DAPK3: variants seen among roughly 807,000 people sequenced by gnomAD.
The protein encoded by DAPK3 is death associated protein kinase 3.
Under a neutral mutation model 30.6 loss-of-function variants are expected in DAPK3, and 24 were observed. That is an observed-to-expected ratio of 0.78 (90% confidence interval 0.57 to 1.10). The LOEUF (loss-of-function observed/expected upper bound fraction) is 1.10, where lower values mean the gene tolerates loss of function less well. Ranked by LOEUF, DAPK3 falls within the 50% of genes least tolerant of loss-of-function variation. DAPK3 has a pLI of 0.00. For missense variants in DAPK3, 629 were observed against 657.3 expected, an observed-to-expected ratio of 0.96 and a Z score of 0.47; for synonymous variants, 341 against 284.0, an observed-to-expected ratio of 1.20 and a Z score of -2.02.
intron 6 of DAPK3, among the ~76,000 whole-genome samples, chr19:3,962,086 T>C (rs1254921910): frequency 6.6e-6 from 1 of 152,182 alleles, no homozygotes; most frequent in Non-Finnish European, 1.5e-5. Flanking sequence ...CTCAATGCCC[T>C]GACCTCGTGA....
intron 2 of DAPK3, among the ~76,000 whole-genome samples, chr19:3,969,213 G>A (rs1280561760): frequency 6.6e-6 from 1 of 151,966 alleles, no homozygotes; most frequent in Admixed American, 6.6e-5. Flanking sequence ...ATAGCTCACT[G>A]CAGCCTCCTC....
Position 3,958,573 on chromosome 19 carries a change from A to AC in DAPK3, c.*527dup, listed in dbSNP as rs1568188629. 1 of 453,876 alleles carries AC rather than the reference A, an allele frequency of 2.2e-6. No individual in the cohort carries two copies. The highest frequency in any genetic ancestry group is 4.4e-6 in the Non-Finnish European group (1 of 226,314). 28.1% of individuals were successfully genotyped at this position (453,876 alleles called of 1,614,324 possible). A position where few individuals can be genotyped will look rare whatever the true frequency, so the allele number is the denominator to read the frequency against. ...CAGCAGGGCACCCCACACCCGGGGG[A>AC]CCGGCCTCGGCGAGAAGGGCACACA... On this transcript the variant is annotated 3_prime_UTR_variant, in exon 9 of 9. Coordinates refer to ENST00000545797, the MANE Select transcript of DAPK3 (RefSeq NM_001348.3).
intron 2 of DAPK3, among the ~76,000 whole-genome samples, chr19:3,966,921 C>T (rs536857311): frequency 1.1e-4 from 16 of 152,274 alleles, no homozygotes; most frequent in South Asian, 6.2e-4. Flanking sequence ...GAATGTGAAA[C>T]GTGCCTCATC....
chr19:3,963,513 G>A (rs1016366633), intron 6 of DAPK3, 130 bp downstream of exon 6: 24 of 566,350 alleles, frequency 4.2e-5, no homozygotes, highest in East Asian at 2.2e-4. Context: ...CCGTTCACCC[G>A]GTATCCCCTG....
Position 3,961,171 on chromosome 19 carries a change from A to G in DAPK3, c.630-10T>C. 1 of 1,608,992 alleles carries G rather than the reference A, an allele frequency of 6.2e-7. No individual in the cohort carries two copies. Among genetic ancestry groups the G allele is most frequent in the Middle Eastern group, 1.7e-4 (1 of 6,044 alleles). On this transcript the variant is annotated splice_polypyrimidine_tract_variant and intron_variant, in intron 6 of 8. Coordinates refer to ENST00000545797, the MANE Select transcript of DAPK3 (RefSeq NM_001348.3). ...GGATGCACCGCTCAGGCTGCGAGAC[A>G]GGCGTGGGGGCTCAGTGGGGTCCTG...
intron 3 of DAPK3, 52 bp downstream of exon 3, chr19:3,964,579 T>G: frequency 8.3e-6 from 6 of 723,414 alleles, no homozygotes; most frequent in Non-Finnish European, 1.1e-5. Flanking sequence ...CCCCGCCCCA[T>G]CCCCACCCCC....
intron 6 of DAPK3, among the ~76,000 whole-genome samples, chr19:3,962,698 A>C (rs1599178484): frequency 6.9e-6 from 1 of 144,576 alleles, no homozygotes; most frequent in East Asian, 2.2e-4. Context: ...AATCACTTGA[A>C]CCCGGGAGGC....
rs1223752744 is a variant in DAPK3, at chr19:3,964,908, A to T, written c.146T>A (p.Leu49Gln). The change falls in exon 3 of 9, where the codon CTG becomes CAG. Residue 49 changes from leucine (L) to glutamine (Q), a missense_variant. Coordinates refer to ENST00000545797, the MANE Select transcript of DAPK3 (RefSeq NM_001348.3). ...GCTCACCCCACGCCGGCTGGATGAC[A>T]GGCGGCGCTTCTTGATGAACTTGGC... ...YAAKFIKKRRLSSSRRGVSRE... is the reference protein window; with the variant it reads ...YAAKFIKKRRQSSSRRGVSRE... 6.2e-7 allele frequency: 1 copy of T among 1,612,134 alleles called. No individual in the cohort carries two copies. Among genetic ancestry groups the T allele is most frequent in the South Asian group, 1.1e-5 (1 of 91,056 alleles).
chr19:3,969,017 C>T (rs780113678), intron 2 of DAPK3, among the ~76,000 whole-genome samples: 6 of 152,230 alleles, frequency 3.9e-5, no homozygotes, highest in African/African-American at 7.2e-5. Flanking sequence ...GCATGTTAAA[C>T]AATTGACCGA....
In DAPK3 at chr19:3,961,907, GGAGTGCA is replaced by G. The variant is rs1443505054; in HGVS notation, c.630-753_630-747del. On this transcript the variant is annotated intron_variant, in intron 6 of 8. Coordinates refer to ENST00000545797, the MANE Select transcript of DAPK3 (RefSeq NM_001348.3). ...GGAGTCTCGCTCTGTCACCCAGGCT[GGAGTGCA>G]GTAGCGCGATCTCGGCTCACTGCAA... is the stretch of plus-strand genomic sequence containing the variant. 3 of 196,810 alleles carry G rather than the reference GGAGTGCA, an allele frequency of 1.5e-5. No homozygotes were observed. The East Asian group carries it at 3.6e-4, about 23-fold the overall frequency. The allele number at this position is 196,810 out of a possible 1,614,324, so 12.2% of individuals were successfully genotyped here.
At position 3,958,993 on chromosome 19, in the gene DAPK3, C is replaced by A; in HGVS notation, c.*108G>T. The A allele has an allele frequency of 1.4e-6, 1 of 723,012 alleles. No individual in the cohort carries two copies. The highest frequency in any genetic ancestry group is 2.2e-6 in the Non-Finnish European group (1 of 457,766). The allele number at this position is 723,012 out of a possible 1,614,324, so 44.8% of individuals were successfully genotyped here. A position where few individuals can be genotyped will look rare whatever the true frequency, so the allele number is the denominator to read the frequency against. On this transcript the variant is annotated 3_prime_UTR_variant, in exon 9 of 9. Coordinates refer to ENST00000545797, the MANE Select transcript of DAPK3 (RefSeq NM_001348.3). ...CCACTCCGCCTCCAGCCTGGTGGCG[C>A]TGGGCAAGGACAGGCACCCGGGCGA...
chr19:3,964,163 G>T, intron 4 of DAPK3, 81 bp downstream of exon 4: 2 of 1,284,466 alleles, frequency 1.6e-6, no homozygotes, highest in Admixed American at 2.1e-5. Context: ...ACCCAGCACC[G>T]GGCATGACCC....
rs537586069 is a variant in DAPK3, at chr19:3,969,578, C to T, written c.62+96G>A. 1.2e-5 allele frequency: 10 copies of T among 818,216 alleles called. No homozygotes were observed. In the East Asian group the frequency reaches 1.7e-4, roughly 14 times the overall value. The allele number at this position is 818,216 out of a possible 1,614,324, so 50.7% of individuals were successfully genotyped here. The stretch of plus-strand genomic sequence containing the variant: ...TACTGACTCATTCCTTCTCAGCATA[C>T]AGGATAAAGAACAGGAAAGGAGAGC... On this transcript the variant is annotated intron_variant, in intron 2 of 8. Transcript: ENST00000545797.
Position 3,958,824 on chromosome 19 carries a change from C to T in DAPK3, c.*277G>A. 1.7e-6 allele frequency: 1 copy of T among 579,794 alleles called. No homozygotes were observed. Among genetic ancestry groups the T allele is most frequent in the Non-Finnish European group, 3.1e-6 (1 of 324,772 alleles). The allele number at this position is 579,794 out of a possible 1,614,324, so 35.9% of individuals were successfully genotyped here. ...CGGTGGGTCCCAACCCTCACGGTGC[C>T]ACAGGCCACGCTGCCTGGAGGGTCC... On this transcript the variant is annotated 3_prime_UTR_variant, in exon 9 of 9. Coordinates refer to ENST00000545797, the MANE Select transcript of DAPK3 (RefSeq NM_001348.3).
At chr19:3,959,887 A>G in intron 8 of DAPK3, 172 bp downstream of exon 8, 1 of 647,372 alleles carries the variant, frequency 1.5e-6, no homozygotes, top group Non-Finnish European at 2.7e-6. Flanking sequence ...CGGGTGCTGG[A>G]CATCCCACGC....
rs962709920 is a variant in DAPK3 at position 3,958,591 on chromosome 19, G to A, written c.*510C>T. The A allele has an allele frequency of 6.7e-6, 3 of 445,318 alleles. No homozygotes were observed. The highest frequency in any genetic ancestry group is 1.3e-5 in the Non-Finnish European group (3 of 222,696). The allele number at this position is 445,318 out of a possible 1,614,324, so 27.6% of individuals were successfully genotyped here. On this transcript the variant is annotated 3_prime_UTR_variant, in exon 9 of 9. Coordinates refer to ENST00000545797, the MANE Select transcript of DAPK3 (RefSeq NM_001348.3). The stretch of plus-strand genomic sequence containing the variant: ...CCGGGGGACCGGCCTCGGCGAGAAG[G>A]GCACACAGTGGAAGACCCCACCAAG...
In DAPK3 at chr19:3,964,662, T is replaced by G; in HGVS notation, c.392A>C (p.His131Pro). The G allele has an allele frequency of 6.3e-7, 1 of 1,597,342 alleles. No individual in the cohort carries two copies. The highest frequency in any genetic ancestry group is 8.5e-7 in the Non-Finnish European group (1 of 1,175,160). The change falls in exon 3 of 9, where the codon CAC becomes CCC. Residue 131 changes from histidine to proline, a missense_variant. His to Pro is a moderately conservative substitution (Grantham distance 77, BLOSUM62 -2). Around this residue, in one of 2 missense-constraint regions of DAPK3, gnomAD observed 306 missense variants for 378.5 expected, o/e 0.81. Transcript: ENST00000545797. ...GTCAAAGTGTGCGATGCGCTTAGAG[T>G]GCAGGTAGTGAACGCCGTCCAGGAT... ...KQILDGVHYLHSKRIAHFDLK... is the reference protein window; with the variant it reads ...KQILDGVHYLPSKRIAHFDLK...
In DAPK3 at chr19:3,964,271, T is replaced by G; in HGVS notation, c.526A>C (p.Asn176His). Residue 176 changes from asparagine to histidine, a missense_variant, in exon 4 of 9, where the codon AAC (asparagine) becomes CAC (histidine). Asn to His is a moderately conservative substitution (Grantham distance 68). Transcript: ENST00000545797. ...HKIEAGNEFKNIFGTPEFVAP... is the reference protein window; with the variant it reads ...HKIEAGNEFKHIFGTPEFVAP... ...ACAAACTCCGGGGTGCCGAAGATGT[T>G]CTTGAACTCGTTCCCCGCCTCGATC... is the stretch of plus-strand genomic sequence containing the variant. The G allele has an allele frequency of 6.2e-7, 1 of 1,613,560 alleles. No homozygotes were observed. The highest frequency in any genetic ancestry group is 8.5e-7 in the Non-Finnish European group (1 of 1,179,610).
At position 3,963,930 on chromosome 19, in the gene DAPK3, G is replaced by A. The variant is rs999993345; in HGVS notation, c.554-11C>T. 6.3e-7 allele frequency: 1 copy of A among 1,579,428 alleles called. No homozygotes were observed. Among genetic ancestry groups the A allele is most frequent in the Non-Finnish European group, 8.7e-7 (1 of 1,151,008 alleles). The stretch of plus-strand genomic sequence containing the variant: ...TCACAATCTCTGGGGCTGCAGAACA[G>A]GGAGATGTGGGTCAGGCACTGGGGA... On this transcript the variant is annotated splice_polypyrimidine_tract_variant and intron_variant, in intron 4 of 8. Coordinates refer to ENST00000545797, the MANE Select transcript of DAPK3 (RefSeq NM_001348.3).
Sources: gnomAD v4.1 joint callset for allele counts (sites outside exome capture counted in the v4.1 genomes callset) on GRCh38, gnomAD v4.1.1 for gene constraint, gnomAD v4.1.1 regional missense constraint, MANE v1.5 for transcripts, NCBI Gene and HGNC (gene_info 2026-07-23, HGNC 2026-07-21) for gene names.